CCSER1: variants seen among roughly 807,000 people sequenced by gnomAD.
The protein encoded by CCSER1 is serine-rich coiled-coil domain-containing protein 1.
A neutral mutation model predicts 82.0 loss-of-function variants in CCSER1; 41 were observed. The ratio of observed to expected loss-of-function variants is 0.50; its 90% CI spans 0.39 to 0.65. The LOEUF is 0.65. Among genes scored for constraint, CCSER1 ranks in the 30% least tolerant of loss-of-function variants. CCSER1 has a pLI of 0.00. For synonymous variants in CCSER1, 414 were observed against 383.9 expected, an observed-to-expected ratio of 1.08 and a Z score of -0.92; for missense variants, 1,119 against 1,064.2, an observed-to-expected ratio of 1.05 and a Z score of -0.72.
chr4:91,310,346 G>A (rs952551369), intron 10 of CCSER1, among the ~76,000 whole-genome samples: 57 of 147,976 alleles, frequency 3.9e-4, no homozygotes, highest in African/African-American at 1.4e-3. Context: ...ATTGTCTTGG[G>A]CCAAACATAA....
chr4:91,009,000 A>G (rs1304855669), intron 9 of CCSER1, among the ~76,000 whole-genome samples: 1 of 152,240 alleles, frequency 6.6e-6, no homozygotes, highest in East Asian at 1.9e-4. Context: ...TTAGCCGTGC[A>G]GGAACAATGG....
chr4:91,082,313 G>A (rs539335295), intron 9 of CCSER1, among the ~76,000 whole-genome samples: 1 of 152,242 alleles, frequency 6.6e-6, no homozygotes, highest in South Asian at 2.1e-4. Context: ...ATGGGGAAAG[G>A]ATTCCCTATT....
At chr4:90,643,571 G>A (rs1429780587) in intron 6 of CCSER1, among the ~76,000 whole-genome samples, 1 of 152,168 alleles carries the variant, frequency 6.6e-6, no homozygotes, top group Non-Finnish European at 1.5e-5. Flanking sequence ...AATATTAAAT[G>A]TGTTAATATA....
intron 10 of CCSER1, among the ~76,000 whole-genome samples, chr4:91,107,639 C>CTTT (rs55901052): frequency 7.3e-6 from 1 of 136,316 alleles, no homozygotes; most frequent in African/African-American, 2.7e-5. Flanking sequence ...TTCTTTTTCT[C>CTTT]TTTTTTTTTT....
chr4:91,246,882 G>GTAAGCA (rs1739829162), intron 10 of CCSER1, among the ~76,000 whole-genome samples: 1 of 151,136 alleles, frequency 6.6e-6, no homozygotes. Flanking sequence ...CATATGAAGA[G>GTAAGCA]ACTCAACAAT....
rs751331396 is a variant in CCSER1 at position 90,460,324 on chromosome 4, C to CAAAAAAAAA, written c.1604-7897_1604-7889dup. Among the ~76,000 whole-genome samples, 8 of 32,644 alleles carry CAAAAAAAAA rather than the reference C, an allele frequency of 2.5e-4. No individual in the cohort carries two copies. The South Asian group carries it at 3.9e-3, about 16-fold the overall frequency. The allele number at this position is 32,644 out of a possible 152,430, so 21.4% of individuals were successfully genotyped here. Reference sequence around the variant, plus strand: ...TGGGCGACAGAGCGAAACTCCGTCTCAAAAAAAAAAAAAAAAAAAAACTAA... The same window carrying CAAAAAAAAA: ...TGGGCGACAGAGCGAAACTCCGTCTCAAAAAAAAAAAAAAAAAAAAAAAAAAAAAACTAA... On this transcript the variant is annotated intron_variant, in intron 4 of 10. Coordinates refer to ENST00000509176, the MANE Select transcript of CCSER1 (RefSeq NM_001145065.2).
intron 10 of CCSER1, among the ~76,000 whole-genome samples, chr4:91,185,688 TG>T (rs1734470604): frequency 6.6e-6 from 1 of 152,234 alleles, no homozygotes; most frequent in Non-Finnish European, 1.5e-5. Flanking sequence ...ATTAGCCCAA[TG>T]TTTTCCTTTT....
chr4:91,087,963 A>G (rs896251617), intron 10 of CCSER1, among the ~76,000 whole-genome samples: 4 of 152,124 alleles, frequency 2.6e-5, no homozygotes, highest in South Asian at 2.1e-4. Context: ...TCAAGTCTCA[A>G]TGGTAGATGA....
At chr4:90,823,415 G>C (rs916235842) in intron 8 of CCSER1, among the ~76,000 whole-genome samples, 5 of 151,992 alleles carry the variant, frequency 3.3e-5, no homozygotes, top group Non-Finnish European at 7.4e-5. Context: ...TTAAGTTTGT[G>C]ATCTTAAGTC....
intron 10 of CCSER1, among the ~76,000 whole-genome samples, chr4:91,463,507 G>C (rs1756642637): frequency 6.6e-6 from 1 of 152,236 alleles, no homozygotes; most frequent in Admixed American, 6.5e-5. Context: ...GGTGGACAGA[G>C]AATGACTTTG....
intron 4 of CCSER1, among the ~76,000 whole-genome samples, chr4:90,419,534 T>C (rs982544018): frequency 6.6e-6 from 1 of 151,910 alleles, no homozygotes; most frequent in African/African-American, 2.4e-5. Context: ...TAACTGTTTT[T>C]CTAGACCTTG....
intron 10 of CCSER1, among the ~76,000 whole-genome samples, chr4:91,559,596 T>C (rs1309447884): frequency 6.6e-6 from 1 of 151,512 alleles, no homozygotes; most frequent in Non-Finnish European, 1.5e-5. Flanking sequence ...TATTTATGAA[T>C]TTATATTTTT....
chr4:91,521,162 G>A (rs1760448215), intron 10 of CCSER1, among the ~76,000 whole-genome samples: 1 of 152,156 alleles, frequency 6.6e-6, no homozygotes, highest in Admixed American at 6.5e-5. Context: ...GTGATAGTTT[G>A]CTGAGAATGA....
intron 6 of CCSER1, among the ~76,000 whole-genome samples, chr4:90,701,272 T>G (rs1232221715): frequency 6.6e-6 from 1 of 152,210 alleles, no homozygotes; most frequent in African/African-American, 2.4e-5. Flanking sequence ...TTTGTCAGGT[T>G]TGTCAAAGAT....
At chr4:90,967,562 G>A (rs986571781) in intron 9 of CCSER1, among the ~76,000 whole-genome samples, 2 of 151,896 alleles carry the variant, frequency 1.3e-5, no homozygotes, top group East Asian at 3.9e-4. Flanking sequence ...ACTTAAACTG[G>A]ATTATAGACC....
intron 5 of CCSER1, among the ~76,000 whole-genome samples, chr4:90,471,821 A>C (rs1764449055): frequency 6.6e-6 from 1 of 151,912 alleles, no homozygotes; most frequent in Admixed American, 6.6e-5. Flanking sequence ...CTAAAAATAC[A>C]AAAAAATTAG....
chr4:91,058,336 T>C (rs916114511), intron 9 of CCSER1, among the ~76,000 whole-genome samples: 3 of 152,108 alleles, frequency 2.0e-5, no homozygotes, highest in African/African-American at 7.2e-5. Context: ...TAATGTTCTT[T>C]ACAAGGACAT....
chr4:91,456,571 T>G (rs1756187649), intron 10 of CCSER1, among the ~76,000 whole-genome samples: 1 of 152,122 alleles, frequency 6.6e-6, no homozygotes, highest in African/African-American at 2.4e-5. Flanking sequence ...TTTAAGTTTT[T>G]TTCATGTATT....
intron 6 of CCSER1, among the ~76,000 whole-genome samples, chr4:90,640,603 A>G (rs1726319077): frequency 6.6e-6 from 1 of 152,156 alleles, no homozygotes; most frequent in Non-Finnish European, 1.5e-5. Context: ...CTTGAATTGT[A>G]ATCTCCATTA....
Sources: allele counts gnomAD v4.1 joint callset (sites outside exome capture counted in the v4.1 genomes callset), GRCh38; gene constraint gnomAD v4.1.1; transcripts MANE v1.5; gene names NCBI Gene and HGNC (gene_info 2026-07-23, HGNC 2026-07-21).